Variants in XRN2 observed in about 807,000 individuals in gnomAD.
XRN2 encodes 5'-3' exoribonuclease 2.
In XRN2, 44 loss-of-function variants were observed where a neutral mutation model predicts 138.5. That is an observed-to-expected ratio of 0.32 (90% CI 0.25 to 0.41). The LOEUF is 0.41. XRN2 is among the 10% of genes least tolerant of loss of function. XRN2 has a pLI of 1.00. For synonymous variants in XRN2, 354 were observed against 369.4 expected (o/e 0.96, Z 0.48); for missense variants, 937 against 1,169.3 (o/e 0.80, Z 2.90).
chr20:21,332,279 A>G lies in XRN2; in HGVS notation c.701-4A>G. ...TCGATGTTTTTCTCATTGTTGATTGATAGCTGATCTCATTATGCTTGGCCT... is the reference window on the plus strand; with the variant it reads ...TCGATGTTTTTCTCATTGTTGATTGGTAGCTGATCTCATTATGCTTGGCCT... On this transcript the variant is annotated splice_region_variant and splice_polypyrimidine_tract_variant and intron_variant, in intron 8 of 29. Transcript: ENST00000377191. The G allele has an allele frequency of 6.2e-7, 1 of 1,607,550 alleles. No homozygotes were observed. The highest frequency in any genetic ancestry group is 8.5e-7 in the Non-Finnish European group (1 of 1,177,826).
At chr20:21,328,873 A>G (rs1446073789) in intron 4 of XRN2, among the ~76,000 whole-genome samples, 1 of 152,190 alleles carries the variant, frequency 6.6e-6, no homozygotes, top group Non-Finnish European at 1.5e-5. Context: ...CTCTCCAGTA[A>G]GAGGGAGCCT....
intron 27 of XRN2, among the ~76,000 whole-genome samples, chr20:21,370,216 A>G (rs1027702285): frequency 2.6e-5 from 4 of 152,006 alleles, no homozygotes; most frequent in Non-Finnish European, 5.9e-5. Context: ...TTGGTCTGTT[A>G]TCTGTTTTGA....
At chr20:21,375,826 A>T (rs1055538297) in intron 27 of XRN2, among the ~76,000 whole-genome samples, 22 of 145,270 alleles carry the variant, frequency 1.5e-4, no homozygotes, top group African/African-American at 4.3e-4. Flanking sequence ...TTATTTATTT[A>T]TTTTTTATTT....
At chr20:21,355,512 G>A (rs1331395436) in intron 21 of XRN2, among the ~76,000 whole-genome samples, 1 of 152,066 alleles carries the variant, frequency 6.6e-6, no homozygotes. Flanking sequence ...GAATGATTAT[G>A]TATTTCTTAT....
At chr20:21,346,157 ATTT>A (rs1357413963) in intron 16 of XRN2, among the ~76,000 whole-genome samples, 1 of 152,202 alleles carries the variant, frequency 6.6e-6, no homozygotes, top group African/African-American at 2.4e-5. Flanking sequence ...TTTCAATAAC[ATTT>A]TTGAAAATGT....
In XRN2 at chr20:21,326,532, T is replaced by G. The variant is rs2038131049; in HGVS notation, c.246T>G (p.Phe82Leu). The G allele has an allele frequency of 1.9e-6, 3 of 1,613,990 alleles. No individual in the cohort carries two copies. Among genetic ancestry groups the G allele is most frequent in the Non-Finnish European group, 2.5e-6 (3 of 1,179,994 alleles). ...AAGATGAAATGATGGTTGCAATTTT[T>G]GAGTACATTGACAGACTTTTCAGTA... ...KNEDEMMVAIFEYIDRLFSIV... is the reference protein window; with the variant it reads ...KNEDEMMVAILEYIDRLFSIV... Residue 82 changes from phenylalanine to leucine, a missense_variant, in exon 3 of 30, where the codon TTT (phenylalanine) becomes TTG (leucine). Transcript: ENST00000377191.
At chr20:21,333,097 A>G (rs1023924650) in intron 9 of XRN2, among the ~76,000 whole-genome samples, 6 of 152,184 alleles carry the variant, frequency 3.9e-5, no homozygotes, top group African/African-American at 1.2e-4. Flanking sequence ...ATTATTTCAG[A>G]TATGTAATAC....
intron 27 of XRN2, among the ~76,000 whole-genome samples, chr20:21,380,435 T>C (rs2038870709): frequency 6.6e-6 from 1 of 152,184 alleles, no homozygotes; most frequent in African/African-American, 2.4e-5. Flanking sequence ...AATGAAATGA[T>C]TGCTATTATT....
chr20:21,382,142 T>C (rs760817322), intron 28 of XRN2, 85 bp downstream of exon 28: 5 of 1,198,638 alleles, frequency 4.2e-6, no homozygotes, highest in Non-Finnish European at 5.8e-6. Flanking sequence ...CTAAAACCTC[T>C]GTGGTTTGAA....
chr20:21,369,529 T>A (rs2038739373), intron 27 of XRN2, among the ~76,000 whole-genome samples: 1 of 152,192 alleles, frequency 6.6e-6, no homozygotes, highest in Admixed American at 6.5e-5. Flanking sequence ...CTCACTGGCA[T>A]TTGTTATTGC....
At position 21,348,423 on chromosome 20, in the gene XRN2, G is replaced by A. The variant is rs199551673; in HGVS notation, c.1856G>A (p.Ser619Asn). The change falls in exon 19 of 30, where the codon AGT becomes AAT. Residue 619 changes from serine (S) to asparagine (N), a missense_variant. Coordinates refer to ENST00000377191, the MANE Select transcript of XRN2 (RefSeq NM_012255.5). ...FLPPSWRKLM[S>N]DPDSSIIDFY... The stretch of plus-strand genomic sequence containing the variant: ...CCTCCATCATGGCGGAAGCTCATGA[G>A]TGATCCTGTGAGTCTCAGTATTTTG... The A allele has an allele frequency of 3.1e-6, 5 of 1,613,836 alleles. No individual in the cohort carries two copies. Among genetic ancestry groups the A allele is most frequent in the Non-Finnish European group, 4.2e-6 (5 of 1,179,866 alleles).
At chr20:21,350,856 A>G (rs2038501010) in intron 20 of XRN2, among the ~76,000 whole-genome samples, 1 of 152,134 alleles carries the variant, frequency 6.6e-6, no homozygotes, top group Non-Finnish European at 1.5e-5. Flanking sequence ...TGGAATGATC[A>G]TGGAAGTGCA....
intron 1 of XRN2, among the ~76,000 whole-genome samples, chr20:21,324,982 CCT>C (rs748976717): frequency 6.6e-5 from 10 of 152,192 alleles, no homozygotes; most frequent in Admixed American, 1.3e-4. Context: ...ATCTCCCTCC[CCT>C]GTCTCCACCC....
At chr20:21,331,703 G>T in intron 7 of XRN2, 65 bp from the exon 8 acceptor site, 1 of 1,591,180 alleles carries the variant, frequency 6.3e-7, no homozygotes, top group Non-Finnish European at 8.6e-7. Context: ...AAAATACTTG[G>T]TATGAAGTGA....
At chr20:21,336,687 T>C (rs144556298) in intron 13 of XRN2, among the ~76,000 whole-genome samples, 20 of 152,240 alleles carry the variant, frequency 1.3e-4, no homozygotes, top group African/African-American at 4.8e-4. Flanking sequence ...TTACATTCTC[T>C]TGGGAGAGCT....
chr20:21,304,416 A>G (rs2037786349), intron 1 of XRN2, among the ~76,000 whole-genome samples: 1 of 150,688 alleles, frequency 6.6e-6, no homozygotes. Context: ...TCTTAGTGAC[A>G]TTCCCACTAT....
At chr20:21,370,086 T>G (rs949406147) in intron 27 of XRN2, among the ~76,000 whole-genome samples, 1 of 152,214 alleles carries the variant, frequency 6.6e-6, no homozygotes, top group African/African-American at 2.4e-5. Flanking sequence ...ATATCCAGTT[T>G]TCCCAGCACC....
intron 13 of XRN2, among the ~76,000 whole-genome samples, chr20:21,334,786 G>A (rs2038262904): frequency 6.6e-6 from 1 of 152,194 alleles, no homozygotes; most frequent in Non-Finnish European, 1.5e-5. Context: ...GCAAGCACTA[G>A]GGGTGGAATG....
At position 21,303,372 on chromosome 20, in the gene XRN2, G is replaced by T; in HGVS notation, c.-27G>T. Reference sequence around the variant, plus strand: ...CTTTGGTTACGCTCGTCAGCCGGTCGGCCGCCGCCTCCAGCCGTGTGCCGC... The same window carrying T: ...CTTTGGTTACGCTCGTCAGCCGGTCTGCCGCCGCCTCCAGCCGTGTGCCGC... On this transcript the variant is annotated 5_prime_UTR_variant, in exon 1 of 30. Coordinates refer to ENST00000377191, the MANE Select transcript of XRN2 (RefSeq NM_012255.5). The T allele has an allele frequency of 6.5e-7, 1 of 1,542,102 alleles. No individual in the cohort carries two copies. Among genetic ancestry groups the T allele is most frequent in the East Asian group, 2.5e-5 (1 of 39,274 alleles).
Sources: gnomAD v4.1 joint callset for allele counts (sites outside exome capture counted in the v4.1 genomes callset) on GRCh38, gnomAD v4.1.1 for gene constraint, MANE v1.5 for transcripts, NCBI Gene and HGNC (gene_info 2026-07-23, HGNC 2026-07-21) for gene names.